FAM91A1: variants seen among roughly 807,000 people sequenced by gnomAD.
The protein encoded by FAM91A1 is protein FAM91A1.
Under a neutral mutation model 113.5 loss-of-function variants are expected in FAM91A1, and 41 were observed. The observed-to-expected ratio is 0.36, with a 90% CI of 0.28 to 0.47. The LOEUF (loss-of-function observed/expected upper bound fraction) is 0.47. FAM91A1 is among the 20% of genes least tolerant of loss of function. FAM91A1 has a pLI of 1.00. For missense variants in FAM91A1, 696 were observed against 1,001.2 expected (o/e 0.70, Z 4.11); for synonymous variants, 307 against 347.9 (o/e 0.88, Z 1.31).
rs1287217314 is a variant in FAM91A1 at position 123,775,403 on chromosome 8, CTCTT to C, written c.309+108_309+111del. ...CTTCAGCTGTCGTCTGCGGTGGACA[CTCTT>C]TCAGAACTTATAGTGTAAAAAGGAC... On this transcript the variant is annotated intron_variant, in intron 3 of 23. Transcript: ENST00000334705. 75 of 1,348,396 alleles carry C rather than the reference CTCTT, an allele frequency of 5.6e-5. No homozygotes were observed. The African/African-American group carries it at 9.0e-4, about 16-fold the overall frequency. 83.5% of individuals were successfully genotyped at this position (1,348,396 alleles called of 1,614,324 possible).
rs1563641207 is a variant in FAM91A1, at chr8:123,787,304, C to T, written c.1122C>T (p.His374=). ...SVSSLSLSTG[H]TKRIAFLFDS... ...GCAGCCTGAGTCTGTCTACAGGACA[C>T]ACGAAGCGCATCGCATTCCTGTTTG... Residue 374 remains histidine, a synonymous_variant, in exon 13 of 24, where the codon CAC becomes CAT. Transcript: ENST00000334705. 6.2e-7 allele frequency: 1 copy of T among 1,611,782 alleles called. No individual in the cohort carries two copies. The highest frequency in any genetic ancestry group is 8.5e-7 in the Non-Finnish European group (1 of 1,179,716).
intron 15 of FAM91A1, among the ~76,000 whole-genome samples, chr8:123,791,978 C>T: frequency 6.6e-6 from 1 of 152,106 alleles, no homozygotes; most frequent in East Asian, 1.9e-4. Context: ...AGTTCAACAC[C>T]AGCATGGCCA....
At chr8:123,773,196 T>C (rs1814896837) in intron 1 of FAM91A1, among the ~76,000 whole-genome samples, 1 of 152,230 alleles carries the variant, frequency 6.6e-6, no homozygotes, top group South Asian at 2.1e-4. Context: ...ATCTGTCTTA[T>C]TGTGAAGATT....
intron 14 of FAM91A1, chr8:123,788,320 G>A (rs2116361): frequency 0.03 from 25,459 of 860,332 alleles, 441 homozygotes; most frequent in Non-Finnish European, 0.032. Flanking sequence ...TCATTCTTCG[G>A]ATATTTTATT....
chr8:123,806,726 C>T (rs776633284), intron 20 of FAM91A1, among the ~76,000 whole-genome samples: 20 of 151,850 alleles, frequency 1.3e-4, no homozygotes, highest in Non-Finnish European at 2.9e-4. Context: ...CCATTTCTTC[C>T]CCTTTCTCTT....
At chr8:123,777,184 G>T in intron 3 of FAM91A1, 81 bp from the exon 4 acceptor site, 1 of 941,508 alleles carries the variant, frequency 1.1e-6, no homozygotes, top group Non-Finnish European at 1.6e-6. Context: ...ATTGTTATTG[G>T]CTGTAATAAT....
chr8:123,783,698 C>T (rs2130077763), intron 8 of FAM91A1, among the ~76,000 whole-genome samples: 1 of 152,338 alleles, frequency 6.6e-6, no homozygotes, highest in Admixed American at 6.5e-5. Flanking sequence ...AATGTACCCA[C>T]AGGGGAGAAT....
chr8:123,805,365 C>CTTTT lies in FAM91A1; in HGVS notation c.1882+37_1882+40dup, dbSNP rs71576705. The CTTTT allele has an allele frequency of 4.0e-6, 5 of 1,257,586 alleles. No individual in the cohort carries two copies. The African/African-American group carries it at 6.3e-5, about 16-fold the overall frequency. The allele number at this position is 1,257,586 out of a possible 1,614,324, so 77.9% of individuals were successfully genotyped here. On this transcript the variant is annotated intron_variant, in intron 19 of 23. Transcript: ENST00000334705. Reference sequence around the variant, plus strand: ...GTACCTTTTGAATTGTATCTATTGACTTTTTTTTTTTTTTAATTATTACTC... The same window carrying CTTTT: ...GTACCTTTTGAATTGTATCTATTGACTTTTTTTTTTTTTTTTTTAATTATTACTC...
intron 12 of FAM91A1, among the ~76,000 whole-genome samples, chr8:123,786,836 G>A (rs1815270829): frequency 6.6e-6 from 1 of 152,218 alleles, no homozygotes; most frequent in Admixed American, 6.5e-5. Flanking sequence ...AGAAGGGAAT[G>A]TGACCAAACA....
At chr8:123,779,343 C>T (rs746782094) in intron 6 of FAM91A1, among the ~76,000 whole-genome samples, 8 of 151,976 alleles carry the variant, frequency 5.3e-5, no homozygotes, top group African/African-American at 7.3e-5. Flanking sequence ...TTTTATGGGG[C>T]GATAGTGTCA....
chr8:123,788,750 T>C (rs1456618696), intron 14 of FAM91A1, among the ~76,000 whole-genome samples: 2 of 152,190 alleles, frequency 1.3e-5, no homozygotes, highest in Admixed American at 1.3e-4. Flanking sequence ...GCTAGTCTTT[T>C]ATCAAATGTA....
chr8:123,773,809 C>G (rs1262081153), intron 1 of FAM91A1, among the ~76,000 whole-genome samples: 1 of 152,178 alleles, frequency 6.6e-6, no homozygotes, highest in East Asian at 1.9e-4. Flanking sequence ...GTTACACTCA[C>G]CTACCGGTTT....
chr8:123,807,238 A>G (rs945925820), intron 20 of FAM91A1, among the ~76,000 whole-genome samples: 5 of 152,208 alleles, frequency 3.3e-5, no homozygotes, highest in South Asian at 2.1e-4. Context: ...GAAGAGGGCT[A>G]TGACTTAAGC....
At chr8:123,799,495 T>G in intron 16 of FAM91A1, 25 bp from the exon 17 acceptor site, 1 of 1,599,528 alleles carries the variant, frequency 6.3e-7, no homozygotes. Context: ...ATTTTAACTT[T>G]ATCTTAACTG....
rs1042524775 is a variant in FAM91A1 at position 123,813,693 on chromosome 8, A to C, written c.*989A>C. On this transcript the variant is annotated 3_prime_UTR_variant, in exon 24 of 24. Transcript: ENST00000334705. ...ATACTTTTTTAGAAAATGATAAAGAAAAATGGAATTACTTCAAAGTGTTTC... is the reference window on the plus strand; with the variant it reads ...ATACTTTTTTAGAAAATGATAAAGACAAATGGAATTACTTCAAAGTGTTTC... 6.6e-6 allele frequency: 1 copy of C among 152,256 alleles called. No homozygotes were observed. Among genetic ancestry groups the C allele is most frequent in the Admixed American group, 6.5e-5 (1 of 15,284 alleles). 9.4% of individuals were successfully genotyped at this position (152,256 alleles called of 1,614,324 possible).
chr8:123,804,688 C>T (rs1815763528), intron 18 of FAM91A1, among the ~76,000 whole-genome samples: 1 of 151,996 alleles, frequency 6.6e-6, no homozygotes, highest in South Asian at 2.1e-4. Context: ...TTACCTTTTC[C>T]ATTTAGCAAT....
chr8:123,804,082 A>G (rs1293873329), intron 18 of FAM91A1, among the ~76,000 whole-genome samples: 2 of 152,258 alleles, frequency 1.3e-5, no homozygotes, highest in African/African-American at 4.8e-5. Flanking sequence ...GTGATAGATG[A>G]AACTGAATTA....
intron 8 of FAM91A1, among the ~76,000 whole-genome samples, chr8:123,782,922 T>G (rs1815159621): frequency 6.6e-6 from 1 of 152,120 alleles, no homozygotes; most frequent in South Asian, 2.1e-4. Flanking sequence ...GTAATCCCAG[T>G]ACTTTGGGAA....
Position 123,775,173 on chromosome 8 carries a change from A to G in FAM91A1, c.184A>G (p.Arg62Gly), listed in dbSNP as rs993551792. The stretch of plus-strand genomic sequence containing the variant: ...TAAACATGTCAAGAAAGATGAACGC[A>G]GATACTATGAGGAACTGCTAAAGTA... Reference protein sequence around the residue: ...LVKHVKKDERRYYEELLKYSR... With the variant: ...LVKHVKKDERGYYEELLKYSR... The change falls in exon 3 of 24, where the codon AGA becomes GGA. Residue 62 changes from arginine (R) to glycine (G), a missense_variant. Coordinates refer to ENST00000334705, the MANE Select transcript of FAM91A1 (RefSeq NM_144963.4). 1 of 1,611,390 alleles carries G rather than the reference A, an allele frequency of 6.2e-7. No individual in the cohort carries two copies. The highest frequency in any genetic ancestry group is 8.5e-7 in the Non-Finnish European group (1 of 1,178,862).
Sources: allele counts gnomAD v4.1 joint callset (sites outside exome capture counted in the v4.1 genomes callset), GRCh38; gene constraint gnomAD v4.1.1; transcripts MANE v1.5; gene names NCBI Gene and HGNC (gene_info 2026-07-23, HGNC 2026-07-21).